The following KCNQ1 variants were observed in gnomAD, a reference collection of about 807,000 sequenced individuals.
KCNQ1 encodes the protein potassium voltage-gated channel subfamily KQT member 1.
KCNQ1 carries 49 observed loss-of-function variants against 72.4 expected under a neutral mutation model. The observed-to-expected ratio is 0.68, with a 90% CI of 0.54 to 0.86. The LOEUF (loss-of-function observed/expected upper bound fraction) is 0.86. Ranked by LOEUF, KCNQ1 falls within the 40% of genes least tolerant of loss-of-function variation. KCNQ1 has a pLI of 0.00. For missense variants in KCNQ1, 790 were observed against 945.1 expected (o/e 0.84, Z 2.15); for synonymous variants, 450 against 412.6 (o/e 1.09, Z -1.10).
intron 6 of KCNQ1, among the ~76,000 whole-genome samples, chr11:2,583,199 G>T (rs543442792): frequency 1.3e-5 from 2 of 152,176 alleles, no homozygotes; most frequent in African/African-American, 4.8e-5. Context: ...GTGGGTGCTG[G>T]GCTCCTTACA....
chr11:2,456,938 CAAA>C (rs58543586), intron 1 of KCNQ1, among the ~76,000 whole-genome samples: 26,291 of 51,552 alleles, frequency 0.51, 4,812 homozygotes, highest in African/African-American at 0.62. Flanking sequence ...GACTCGGTCT[CAAA>C]AAAAAAAAAA....
At chr11:2,761,739 A>G (rs149492872) in intron 11 of KCNQ1, among the ~76,000 whole-genome samples, 14 of 152,368 alleles carry the variant, frequency 9.2e-5, no homozygotes, top group African/African-American at 2.4e-4. Flanking sequence ...CCAGGTAGCC[A>G]GCGCTGTCAC....
intron 10 of KCNQ1, chr11:2,656,244 ATTAT>A (rs1202898052): frequency 3.0e-5 from 12 of 398,676 alleles, no homozygotes; most frequent in Non-Finnish European, 8.8e-6. Flanking sequence ...TGACAACTGC[ATTAT>A]ATAACCTAGG....
At chr11:2,641,055 C>T in intron 10 of KCNQ1, 1 of 398,390 alleles carries the variant, frequency 2.5e-6, no homozygotes. Context: ...TTTCTTTTTC[C>T]ATTTATCCAC....
In KCNQ1 at chr11:2,642,482, G is replaced by A. The variant is rs1849594702; in HGVS notation, c.1394-19479G>A. 3 of 397,854 alleles carry A rather than the reference G, an allele frequency of 7.5e-6. No individual in the cohort carries two copies. The highest frequency in any genetic ancestry group is 2.5e-4 in the South Asian group (2 of 7,852). The allele number at this position is 397,854 out of a possible 1,614,324, so 24.6% of individuals were successfully genotyped here. ...ATCAATTTATTGATCAGACTGAAGAGTTTTGATTTTTGTATTTCATGGTAT... is the reference window on the plus strand; with the variant it reads ...ATCAATTTATTGATCAGACTGAAGAATTTTGATTTTTGTATTTCATGGTAT... On this transcript the variant is annotated intron_variant, in intron 10 of 15. Transcript: ENST00000155840. This position sits in a 1 kb window ranked among gnomAD's most constrained non-coding sequence, Gnocchi z 4.3.
intron 11 of KCNQ1, chr11:2,665,829 T>C (rs1590017929): frequency 2.5e-6 from 1 of 398,680 alleles, no homozygotes; most frequent in Non-Finnish European, 4.4e-6. Context: ...GTGCCAGTGC[T>C]GAGGCACAGG....
At position 2,781,886 on chromosome 11, in the gene KCNQ1, C is replaced by T. The variant is rs1222083207; in HGVS notation, c.1794+3849C>T. ...GAAGGGGCCCCCACCACCTGACACT[C>T]CTTTCACTGCCTCCGGTCGCAGAAT... On this transcript the variant is annotated intron_variant, in intron 15 of 15. Coordinates refer to ENST00000155840, the MANE Select transcript of KCNQ1 (RefSeq NM_000218.3). This position sits in a 1 kb window ranked among gnomAD's most constrained non-coding sequence, Gnocchi z 6.6. Among the ~76,000 whole-genome samples the T allele has an allele frequency of 6.6e-6, 1 of 152,140 alleles. No individual in the cohort carries two copies. The highest frequency in any genetic ancestry group is 1.9e-4 in the East Asian group (1 of 5,184).
intron 15 of KCNQ1, among the ~76,000 whole-genome samples, chr11:2,823,438 G>A (rs1847779337): frequency 6.6e-6 from 1 of 152,202 alleles, no homozygotes; most frequent in Non-Finnish European, 1.5e-5. Flanking sequence ...CCTTTTCTTA[G>A]AAGGTTCTGG....
intron 11 of KCNQ1, among the ~76,000 whole-genome samples, chr11:2,722,237 T>C (rs1436697927): frequency 6.6e-6 from 1 of 152,146 alleles, no homozygotes; most frequent in Non-Finnish European, 1.5e-5. Flanking sequence ...TGTGTCATCT[T>C]ACCAGGTGTT....
chr11:2,820,481 T>C (rs1847708679), intron 15 of KCNQ1, among the ~76,000 whole-genome samples: 1 of 152,246 alleles, frequency 6.6e-6, no homozygotes, highest in African/African-American at 2.4e-5. Flanking sequence ...TGTATATGTG[T>C]GGAGGCGGTG....
chr11:2,749,839 G>C (rs1242202774), intron 11 of KCNQ1, among the ~76,000 whole-genome samples: 1 of 151,578 alleles, frequency 6.6e-6, no homozygotes, highest in African/African-American at 2.4e-5. Flanking sequence ...TTAGCTGGAT[G>C]TGGTGGTGGA....
rs1239743779 is a variant in KCNQ1, at chr11:2,516,141, G to A, written c.387-11787G>A. On this transcript the variant is annotated intron_variant, in intron 1 of 15. Coordinates refer to ENST00000155840, the MANE Select transcript of KCNQ1 (RefSeq NM_000218.3). The surrounding 1 kb of genome is among the most constrained non-coding windows in gnomAD (Gnocchi z 7.0). ...GGTTGTAGTTTTCGGGGTGCTTCGA[G>A]GTGCTGTGGGGACCTGTGATGCTGT... is the stretch of plus-strand genomic sequence containing the variant. 6.6e-6 allele frequency among the ~76,000 whole-genome samples: 1 copy of A among 152,078 alleles called. No individual in the cohort carries two copies. The highest frequency in any genetic ancestry group is 6.5e-5 in the Admixed American group (1 of 15,268).
At chr11:2,701,234 C>T (rs1334630746) in intron 11 of KCNQ1, among the ~76,000 whole-genome samples, 1 of 152,304 alleles carries the variant, frequency 6.6e-6, no homozygotes, top group Admixed American at 6.5e-5. Context: ...TGTTGTTCTT[C>T]AGCCCAGAAG....
intron 10 of KCNQ1, chr11:2,609,430 G>A (rs898582131): frequency 4.5e-5 from 18 of 398,248 alleles, no homozygotes; most frequent in South Asian, 1.3e-4. Context: ...GGTTTGTTTC[G>A]TGACTTAGCA....
Position 2,541,841 on chromosome 11 carries a change from C to T in KCNQ1, c.477+13823C>T, listed in dbSNP as rs539683999. Among the ~76,000 whole-genome samples the T allele has an allele frequency of 9.9e-5, 15 of 152,226 alleles. No homozygotes were observed. In the South Asian group the frequency reaches 2.1e-3, roughly 21 times the overall value. On this transcript the variant is annotated intron_variant, in intron 2 of 15. Transcript: ENST00000155840. This position sits in a 1 kb window ranked among gnomAD's most constrained non-coding sequence, Gnocchi z 4.8. Reference sequence around the variant, plus strand: ...GAGTTCATGGAGCCCCTGTCAGAGGCGCTGAGGCCCAGGTCCTGTGGCTGG... The same window carrying T: ...GAGTTCATGGAGCCCCTGTCAGAGGTGCTGAGGCCCAGGTCCTGTGGCTGG...
Position 2,678,029 on chromosome 11 carries a change from T to C in KCNQ1, c.1514+15948T>C. 2.5e-6 allele frequency: 1 copy of C among 396,498 alleles called. No individual in the cohort carries two copies. The highest frequency in any genetic ancestry group is 4.4e-5 in the Admixed American group (1 of 22,490). 24.6% of individuals were successfully genotyped at this position (396,498 alleles called of 1,614,324 possible). On this transcript the variant is annotated intron_variant, in intron 11 of 15. Transcript: ENST00000155840. This position sits in a 1 kb window ranked among gnomAD's most constrained non-coding sequence, Gnocchi z 4.9. ...AAATGCTTAAAATCATTTGTTTTTC[T>C]TTCTTGTGAACTATTTCTTCATACC...
chr11:2,561,771 C>G (rs534244979), intron 2 of KCNQ1, among the ~76,000 whole-genome samples: 1 of 152,350 alleles, frequency 6.6e-6, no homozygotes, highest in East Asian at 1.9e-4. Flanking sequence ...AGTGCCACCC[C>G]TGGCTGCCTG....
chr11:2,469,581 A>G (rs1300736819), intron 1 of KCNQ1, among the ~76,000 whole-genome samples: 1 of 151,826 alleles, frequency 6.6e-6, no homozygotes, highest in Non-Finnish European at 1.5e-5. Flanking sequence ...GAGATGTTAC[A>G]TGTTTCTATA....
intron 7 of KCNQ1, among the ~76,000 whole-genome samples, chr11:2,584,690 AGT>A (rs537796687): frequency 1.1e-4 from 16 of 150,626 alleles, no homozygotes; most frequent in South Asian, 6.3e-4. Flanking sequence ...TGTGTGTGTC[AGT>A]GTGTGTGTGT....
Sources: gnomAD v4.1 joint callset for allele counts (sites outside exome capture counted in the v4.1 genomes callset) on GRCh38, gnomAD v4.1.1 for gene constraint, Gnocchi (gnomAD v3.1) non-coding constraint, MANE v1.5 for transcripts, NCBI Gene and HGNC (gene_info 2026-07-23, HGNC 2026-07-21) for gene names.